Variants in SBF2 observed in about 807,000 individuals in gnomAD.
The protein encoded by SBF2 is SET binding factor 2.
In SBF2, 112 loss-of-function variants were observed where a neutral mutation model predicts 225.2. That is an observed-to-expected ratio of 0.50 (90% CI 0.43 to 0.58). The LOEUF (loss-of-function observed/expected upper bound fraction) is 0.58, where lower values mean the gene tolerates loss of function less well. Among genes scored for constraint, SBF2 ranks in the 20% least tolerant of loss-of-function variants. SBF2 has a pLI of 0.00. For synonymous variants in SBF2, 763 were observed against 773.3 expected (o/e 0.99, Z 0.22); for missense variants, 1,996 against 2,206.2 (o/e 0.90, Z 1.91).
chr11:10,107,120 T>C (rs1029126414), intron 2 of SBF2, among the ~76,000 whole-genome samples: 7 of 152,220 alleles, frequency 4.6e-5, no homozygotes, highest in African/African-American at 1.7e-4. Context: ...GTTAACTATA[T>C]ACATATACAT....
chr11:9,935,398 C>T (rs1192250448), intron 16 of SBF2, among the ~76,000 whole-genome samples: 1 of 152,128 alleles, frequency 6.6e-6, no homozygotes, highest in African/African-American at 2.4e-5. Context: ...TTTATATATT[C>T]AATGCCATCC....
intron 2 of SBF2, among the ~76,000 whole-genome samples, chr11:10,173,960 A>C (rs529114795): frequency 1.3e-5 from 2 of 152,126 alleles, no homozygotes; most frequent in East Asian, 3.9e-4. Flanking sequence ...CCTGTCTGTT[A>C]GAAGGAAAAC....
intron 2 of SBF2, among the ~76,000 whole-genome samples, chr11:10,188,153 T>C (rs1957013131): frequency 6.6e-6 from 1 of 152,104 alleles, no homozygotes; most frequent in Non-Finnish European, 1.5e-5. Context: ...AAACATTTTA[T>C]AATAAAGAAG....
chr11:10,206,838 C>T (rs562276515), intron 1 of SBF2, among the ~76,000 whole-genome samples: 8 of 152,008 alleles, frequency 5.3e-5, no homozygotes, highest in African/African-American at 1.7e-4. Flanking sequence ...ACATTGGGAA[C>T]CCATGGGAGG....
chr11:9,787,538 C>A (rs1852452468), intron 36 of SBF2, 96 bp downstream of exon 36: 1 of 1,032,306 alleles, frequency 9.7e-7, no homozygotes, highest in Admixed American at 1.9e-5. Flanking sequence ...TGGCCATAAA[C>A]CCAGCTGGGT....
chr11:10,134,268 T>A (rs914644042), intron 2 of SBF2, among the ~76,000 whole-genome samples: 1 of 152,104 alleles, frequency 6.6e-6, no homozygotes, highest in African/African-American at 2.4e-5. Context: ...TTCAATTACC[T>A]CCCACTGGGT....
intron 16 of SBF2, among the ~76,000 whole-genome samples, chr11:9,954,784 T>C (rs541133937): frequency 6.6e-6 from 1 of 152,250 alleles, no homozygotes; most frequent in Non-Finnish European, 1.5e-5. Flanking sequence ...TGCTATTCTA[T>C]AAGTGCCATA....
Position 10,038,315 on chromosome 11 carries a change from T to G in SBF2, c.279+4529A>C, listed in dbSNP as rs561353594. On this transcript the variant is annotated intron_variant, in intron 3 of 39. Coordinates refer to ENST00000256190, the MANE Select transcript of SBF2 (RefSeq NM_030962.4). ...AATGGTGTTTTGTGAGAATAAACTATATGTGAGTTAAATAAAATAGAATGA... is the reference window on the plus strand; with the variant it reads ...AATGGTGTTTTGTGAGAATAAACTAGATGTGAGTTAAATAAAATAGAATGA... Among the ~76,000 whole-genome samples, 95 of 152,128 alleles carry G rather than the reference T, an allele frequency of 6.2e-4. 1 individual carries two copies. The South Asian group carries it at 0.019, about 31-fold the overall frequency.
chr11:9,919,111 T>C (rs1565001811), intron 16 of SBF2, among the ~76,000 whole-genome samples: 2 of 152,070 alleles, frequency 1.3e-5, no homozygotes, highest in South Asian at 4.1e-4. Flanking sequence ...TGGAGGTAAA[T>C]TACCAGGATC....
chr11:10,264,473 T>C (rs986435220), intron 1 of SBF2, among the ~76,000 whole-genome samples: 8 of 152,168 alleles, frequency 5.3e-5, no homozygotes, highest in Non-Finnish European at 1.2e-4. Context: ...TCAATATTAA[T>C]TCAATATGTA....
intron 16 of SBF2, chr11:9,956,852 C>A (rs1866205899): frequency 6.6e-6 from 1 of 152,142 alleles, no homozygotes; most frequent in Non-Finnish European, 1.5e-5. Context: ...ATATTTCACA[C>A]TGGGAGAAAA....
intron 1 of SBF2, among the ~76,000 whole-genome samples, chr11:10,272,813 G>A (rs1290524772): frequency 6.6e-6 from 1 of 151,626 alleles, no homozygotes; most frequent in East Asian, 1.9e-4. Flanking sequence ...GCTCCCGCCT[G>A]TAATCCCAGC....
At chr11:9,830,696 C>A (rs1354485200) in intron 27 of SBF2, among the ~76,000 whole-genome samples, 3 of 148,624 alleles carry the variant, frequency 2.0e-5, no homozygotes, top group Non-Finnish European at 4.4e-5. Flanking sequence ...GCCAAGATTG[C>A]GCCATTGCAC....
intron 19 of SBF2, 117 bp from the exon 20 acceptor site, chr11:9,853,829 G>T: frequency 1.1e-6 from 1 of 952,326 alleles, no homozygotes; most frequent in Non-Finnish European, 1.7e-6. Flanking sequence ...TACTCAAGTA[G>T]AAGGCTCACT....
chr11:10,304,231 C>G (rs565439331), intron 1 of SBF2, among the ~76,000 whole-genome samples: 36 of 152,276 alleles, frequency 2.4e-4, no homozygotes, highest in Non-Finnish European at 4.6e-4. Context: ...ATACGTGAAG[C>G]GTTAGTGTGC....
intron 34 of SBF2, 64 bp downstream of exon 34, chr11:9,790,492 A>C: frequency 7.1e-7 from 1 of 1,413,418 alleles, no homozygotes; most frequent in South Asian, 1.2e-5. Flanking sequence ...TATATATGTT[A>C]AAACTAAGGA....
intron 1 of SBF2, among the ~76,000 whole-genome samples, chr11:10,202,899 C>A (rs1032235392): frequency 1.3e-5 from 2 of 152,148 alleles, no homozygotes; most frequent in Non-Finnish European, 1.5e-5. Context: ...AAAACAAAAT[C>A]TACAAAACAA....
chr11:9,823,837 A>G (rs1412625936), intron 28 of SBF2, among the ~76,000 whole-genome samples: 1 of 152,246 alleles, frequency 6.6e-6, no homozygotes, highest in East Asian at 1.9e-4. Context: ...AGGAAACAGC[A>G]GTATCTCTTT....
intron 17 of SBF2, among the ~76,000 whole-genome samples, chr11:9,867,635 G>A (rs548133231): frequency 5.9e-5 from 9 of 152,194 alleles, no homozygotes; most frequent in Non-Finnish European, 1.3e-4. Context: ...ATCAACAGAT[G>A]AGTGGATAAA....
Sources: gnomAD v4.1 joint callset for allele counts (sites outside exome capture counted in the v4.1 genomes callset) on GRCh38, gnomAD v4.1.1 for gene constraint, MANE v1.5 for transcripts, NCBI Gene and HGNC (gene_info 2026-07-23, HGNC 2026-07-21) for gene names.